The following UGT1A4 variants were observed in gnomAD, a reference collection of about 807,000 sequenced individuals.
The protein encoded by UGT1A4 is UDP-glucuronosyltransferase 1A4.
In UGT1A4, 32 loss-of-function variants were observed where a neutral mutation model predicts 41.1. The observed-to-expected ratio is 0.78, with a 90% confidence interval of 0.59 to 1.05. The LOEUF (loss-of-function observed/expected upper bound fraction) is 1.05, where lower values mean the gene tolerates loss of function less well. UGT1A4 is among the 50% of genes least tolerant of loss of function. UGT1A4 has a pLI of 0.00. For missense variants in UGT1A4, 748 were observed against 677.4 expected (o/e 1.10, Z -1.16); for synonymous variants, 283 against 265.1 (o/e 1.07, Z -0.66).
At chr2:233,751,208 T>G (rs767963579) in intron 1 of UGT1A4, among the ~76,000 whole-genome samples, 3 of 151,940 alleles carry the variant, frequency 2.0e-5, no homozygotes, top group Non-Finnish European at 4.4e-5. Flanking sequence ...TTTTGGAGCT[T>G]TAAGATTTAA....
At chr2:233,724,376 G>A (rs1373227000) in intron 1 of UGT1A4, among the ~76,000 whole-genome samples, 85 of 127,694 alleles carry the variant, frequency 6.7e-4, no homozygotes, top group East Asian at 1.3e-3. Flanking sequence ...GGTGGCTGCC[G>A]GGCGGAGACG....
chr2:233,733,547 C>T (rs1401564261), intron 1 of UGT1A4, among the ~76,000 whole-genome samples: 1 of 152,178 alleles, frequency 6.6e-6, no homozygotes, highest in African/African-American at 2.4e-5. Context: ...AAGGCCTTTT[C>T]TGCATCTGTT....
intron 1 of UGT1A4, among the ~76,000 whole-genome samples, chr2:233,736,005 G>A (rs1194834652): frequency 1.3e-5 from 2 of 152,028 alleles, no homozygotes; most frequent in African/African-American, 4.8e-5. Flanking sequence ...TGTTCTTCTC[G>A]AGGAGTATCT....
At position 233,769,778 on chromosome 2, in the gene UGT1A4, C is replaced by T. The variant is rs1165754282; in HGVS notation, c.1307+1339C>T. On this transcript the variant is annotated intron_variant, in intron 4 of 4. Coordinates refer to ENST00000373409, the MANE Select transcript of UGT1A4 (RefSeq NM_007120.3). The surrounding 1 kb of genome is among the most constrained non-coding windows in gnomAD (Gnocchi z 4.4). Reference sequence around the variant, plus strand: ...GCTAAGGCGGGAGGATTGCTTGAGCCCAGAAGTTGGAGGCTGCTATGAGCC... The same window carrying T: ...GCTAAGGCGGGAGGATTGCTTGAGCTCAGAAGTTGGAGGCTGCTATGAGCC... 2 of 1,373,484 alleles carry T rather than the reference C, an allele frequency of 1.5e-6. No individual in the cohort carries two copies. Among genetic ancestry groups the T allele is most frequent in the East Asian group, 5.2e-5 (2 of 38,786 alleles). The allele number at this position is 1,373,484 out of a possible 1,614,324, so 85.1% of individuals were successfully genotyped here.
chr2:233,772,337 C>T lies in UGT1A4; in HGVS notation c.1383C>T (p.Phe461=). The change falls in exon 5 of 5, where the codon TTC becomes TTT. Residue 461 remains phenylalanine (F), a synonymous_variant. Transcript: ENST00000373409. ...RPVEPLDLAV[F]WVEFVMRHKG... is the part of the protein sequence containing the mutation. ...TGGAGCCGCTGGACCTGGCCGTGTTCTGGGTGGAGTTTGTGATGAGGCACA... is the reference window on the plus strand; with the variant it reads ...TGGAGCCGCTGGACCTGGCCGTGTTTTGGGTGGAGTTTGTGATGAGGCACA... 6.2e-7 allele frequency: 1 copy of T among 1,614,256 alleles called. No individual in the cohort carries two copies. The highest frequency in any genetic ancestry group is 8.5e-7 in the Non-Finnish European group (1 of 1,180,042).
intron 2 of UGT1A4, 118 bp from the exon 3 acceptor site, chr2:233,767,727 TCCTC>T (rs945662817): frequency 4.7e-5 from 73 of 1,556,206 alleles, no homozygotes; most frequent in Non-Finnish European, 6.3e-5. Context: ...CAGTTACTGA[TCCTC>T]CCACTCTGTT....
Position 233,747,991 on chromosome 2 carries a change from A to C in UGT1A4, c.868-19043A>C, listed in dbSNP as rs532442400. On this transcript the variant is annotated intron_variant, in intron 1 of 4. Transcript: ENST00000373409. The stretch of plus-strand genomic sequence containing the variant: ...GCATCTGTGTGGCTGTTCCGAGGGG[A>C]CTTTGTGATGGATTACCCCAGGCCG... 1.5e-4 allele frequency: 241 copies of C among 1,612,988 alleles called. 4 individuals are homozygous for C. In the African/African-American group the frequency reaches 3.1e-3, roughly 21 times the overall value.
chr2:233,763,837 A>G (rs1269995830), intron 1 of UGT1A4, among the ~76,000 whole-genome samples: 1 of 152,238 alleles, frequency 6.6e-6, no homozygotes, highest in Non-Finnish European at 1.5e-5. Context: ...CTGCCAGGGT[A>G]AGATAGCAGT....
In UGT1A4 at chr2:233,719,091, C is replaced by T. The variant is rs183802414; in HGVS notation, c.271C>T (p.Arg91Cys). Residue 91 changes from arginine (R) to cysteine (C), a missense_variant, in exon 1 of 5, where the codon CGC (arginine) becomes TGC (cysteine). Physicochemically the swap from Arg to Cys is radical, Grantham distance 180. Coordinates refer to ENST00000373409, the MANE Select transcript of UGT1A4 (RefSeq NM_007120.3). ...TCCATGGACCCAGAAGGAATTTGATCGCGTTACGCTGGGCTACACTCAAGG... is the reference window on the plus strand; with the variant it reads ...TCCATGGACCCAGAAGGAATTTGATTGCGTTACGCTGGGCTACACTCAAGG... ...AVPWTQKEFDRVTLGYTQGFF... is the reference protein window; with the variant it reads ...AVPWTQKEFDCVTLGYTQGFF... The T allele has an allele frequency of 3.7e-5, 60 of 1,614,254 alleles. No individual in the cohort carries two copies. The East Asian group carries it at 8.2e-4, about 22-fold the overall frequency.
chr2:233,726,329 A>T (rs1355018721), intron 1 of UGT1A4, among the ~76,000 whole-genome samples: 1 of 152,172 alleles, frequency 6.6e-6, no homozygotes, highest in Non-Finnish European at 1.5e-5. Flanking sequence ...GAGTTTCAGC[A>T]CCTGTGGTTT....
At chr2:233,766,403 C>G (rs889722071) in intron 1 of UGT1A4, among the ~76,000 whole-genome samples, 2 of 152,178 alleles carry the variant, frequency 1.3e-5, no homozygotes, top group Non-Finnish European at 2.9e-5. Context: ...TGCGTCCCTC[C>G]GCTGATGTGC....
intron 1 of UGT1A4, among the ~76,000 whole-genome samples, chr2:233,736,718 T>C (rs1407462438): frequency 1.3e-5 from 2 of 152,092 alleles, no homozygotes; most frequent in East Asian, 3.9e-4. Flanking sequence ...ATGTCCTTTT[T>C]GTTGATGTTT....
chr2:233,729,390 A>T (rs1190796582), intron 1 of UGT1A4: 1 of 1,613,904 alleles, frequency 6.2e-7, no homozygotes, highest in East Asian at 2.2e-5. Flanking sequence ...CCCAGGATGA[A>T]TTTGATCGCC....
chr2:233,760,233 C>T (rs1697357127), intron 1 of UGT1A4: 2 of 1,510,150 alleles, frequency 1.3e-6, no homozygotes, highest in Non-Finnish European at 9.0e-7. Context: ...TGGTTTTTGC[C>T]ATATATATAT....
At chr2:233,770,670 A>C (rs1409019520) in intron 4 of UGT1A4, 2 of 152,132 alleles carry the variant, frequency 1.3e-5, no homozygotes, top group Non-Finnish European at 2.9e-5. Flanking sequence ...TTAAAAAAAA[A>C]AAAAAGAAGG....
chr2:233,750,856 G>C (rs28899469), intron 1 of UGT1A4: 5,157 of 151,970 alleles, frequency 0.034, 172 homozygotes, highest in African/African-American at 0.052. Flanking sequence ...TGGATGTCCA[G>C]GCAGAAGTTT....
chr2:233,760,386 C>A, intron 1 of UGT1A4: 1 of 1,614,180 alleles, frequency 6.2e-7, no homozygotes. Flanking sequence ...TACTGTTGAT[C>A]CCAGTGGATG....
intron 1 of UGT1A4, among the ~76,000 whole-genome samples, chr2:233,735,931 CT>C (rs1190585713): frequency 6.6e-6 from 1 of 152,166 alleles, no homozygotes; most frequent in Non-Finnish European, 1.5e-5. Flanking sequence ...TTCTCTGTGG[CT>C]GCCCTTAACA....
At position 233,767,903 on chromosome 2, in the gene UGT1A4, CTTG is replaced by C; in HGVS notation, c.1057_1059del (p.Val353del). On this transcript the variant is annotated inframe_deletion, in exon 3 of 5. Coordinates refer to ENST00000373409, the MANE Select transcript of UGT1A4 (RefSeq NM_007120.3). ...ATCGAATCTTGCGAACAACACGATA[CTTG>C]TTAAGTGGCTACCCCAAAACGATCT... 1 of 1,614,178 alleles carries C rather than the reference CTTG, an allele frequency of 6.2e-7. No individual in the cohort carries two copies.
Sources: allele counts gnomAD v4.1 joint callset (sites outside exome capture counted in the v4.1 genomes callset), GRCh38; gene constraint gnomAD v4.1.1; non-coding constraint Gnocchi (gnomAD v3.1); transcripts MANE v1.5; gene names NCBI Gene and HGNC (gene_info 2026-07-23, HGNC 2026-07-21).